CA5A: variants seen among roughly 807,000 people sequenced by gnomAD.
The protein encoded by CA5A is carbonic anhydrase 5A.
A neutral mutation model predicts 37.1 loss-of-function variants in CA5A; 28 were observed. That is an observed-to-expected ratio of 0.75 (90% confidence interval 0.56 to 1.03). CA5A has a LOEUF of 1.03. CA5A is among the 50% of genes least tolerant of loss of function. The probability of loss-of-function intolerance (pLI) is 0.00; values close to 1 mark genes in which losing one functional copy is unlikely to be tolerated. For synonymous variants in CA5A, 171 were observed against 158.4 expected, an observed-to-expected ratio of 1.08 and a Z score of -0.60; for missense variants, 444 against 399.9, an observed-to-expected ratio of 1.11 and a Z score of -0.94.
chr16:87,931,332 G>A lies in CA5A; in HGVS notation c.143-4387C>T, dbSNP rs573184616. On this transcript the variant is annotated intron_variant, in intron 1 of 6. Transcript: ENST00000649794. ...TCACCATGTTGGCCAGGCTGTTCTC[G>A]AACTCCTGACTTCGGGTGATCCACC... 9.4e-5 allele frequency among the ~76,000 whole-genome samples: 14 copies of A among 149,622 alleles called. No homozygotes were observed. The South Asian group carries it at 2.3e-3, about 25-fold the overall frequency.
At position 87,904,063 on chromosome 16, in the gene CA5A, C is replaced by T. The variant is rs899837894; in HGVS notation, c.459+723G>A. 2.4e-4 allele frequency among the ~76,000 whole-genome samples: 37 copies of T among 152,122 alleles called. 1 individual carries two copies. The highest frequency in any genetic ancestry group is 1.5e-5 in the Non-Finnish European group (1 of 68,034). Reference sequence around the variant, plus strand: ...AAGACTGCTTTAAGATGATCTTAGCCGGGTACGGTGGCTCACGCCTGTTAT... The same window carrying T: ...AAGACTGCTTTAAGATGATCTTAGCTGGGTACGGTGGCTCACGCCTGTTAT... On this transcript the variant is annotated intron_variant, in intron 3 of 6. Coordinates refer to ENST00000649794, the MANE Select transcript of CA5A (RefSeq NM_001739.2).
rs547862511 is a variant in CA5A, at chr16:87,897,017, C to G, written c.618+4895G>C. On this transcript the variant is annotated intron_variant, in intron 5 of 6. Coordinates refer to ENST00000649794, the MANE Select transcript of CA5A (RefSeq NM_001739.2). ...CCCACCCAGCCTAACTCCGCCCTTG[C>G]TTTGTCCTCTTAGAGTCTCAGTTTC... 2.2e-3 allele frequency among the ~76,000 whole-genome samples: 332 copies of G among 152,378 alleles called. 3 individuals carry two copies. Among genetic ancestry groups the G allele is most frequent in the African/African-American group, 7.6e-3 (316 of 41,588 alleles).
intron 6 of CA5A, among the ~76,000 whole-genome samples, chr16:87,888,757 T>A (rs146350780): frequency 0.023 from 3,466 of 152,264 alleles, 35 homozygotes; most frequent in African/African-American, 0.033. Context: ...TTGGTTTTTG[T>A]TGTTGTTGTT....
chr16:87,893,693 G>C (rs1241201497), intron 5 of CA5A: 2 of 536,544 alleles, frequency 3.7e-6, no homozygotes, highest in Non-Finnish European at 7.2e-6. Flanking sequence ...CCGAATTCCA[G>C]TTTAAAGGCA....
Position 87,927,005 on chromosome 16 carries a change from G to A in CA5A, c.143-60C>T, listed in dbSNP as rs549631535. On this transcript the variant is annotated intron_variant, in intron 1 of 6. Coordinates refer to ENST00000649794, the MANE Select transcript of CA5A (RefSeq NM_001739.2). Reference sequence around the variant, plus strand: ...ATGAGCTTCATCCTGTGTCTTGGACGGACAGGGCAGAAACCCGGCCGCACG... The same window carrying A: ...ATGAGCTTCATCCTGTGTCTTGGACAGACAGGGCAGAAACCCGGCCGCACG... 8.0e-4 allele frequency: 952 copies of A among 1,195,676 alleles called. 23 individuals are homozygous for A. The South Asian group carries it at 0.012, about 15-fold the overall frequency. The allele number at this position is 1,195,676 out of a possible 1,614,324, so 74.1% of individuals were successfully genotyped here.
intron 2 of CA5A, among the ~76,000 whole-genome samples, chr16:87,907,088 G>A (rs1225858965): frequency 2.0e-5 from 3 of 152,094 alleles, no homozygotes; most frequent in Non-Finnish European, 4.4e-5. Flanking sequence ...TGTATTGGTG[G>A]GTGCCTGTAA....
chr16:87,923,946 CTGCA>C (rs2056265612), intron 2 of CA5A: 2 of 984,998 alleles, frequency 2.0e-6, no homozygotes, highest in African/African-American at 1.7e-5. Context: ...TTTGAAGTGG[CTGCA>C]TGAAGAATTT....
intron 1 of CA5A, among the ~76,000 whole-genome samples, chr16:87,928,276 A>C (rs868630370): frequency 3.7e-4 from 57 of 152,214 alleles, no homozygotes; most frequent in Admixed American, 8.5e-4. Flanking sequence ...CGATCCTCCC[A>C]CCTCAGCCTC....
chr16:87,900,759 G>C (rs1244912171), intron 5 of CA5A, among the ~76,000 whole-genome samples: 1 of 152,260 alleles, frequency 6.6e-6, no homozygotes, highest in African/African-American at 2.4e-5. Context: ...CTTGGGGTCG[G>C]ACAGGGACGT....
chr16:87,892,164 TG>T (rs1023878851), intron 5 of CA5A: 5 of 470,190 alleles, frequency 1.1e-5, no homozygotes, highest in African/African-American at 8.2e-5. Context: ...CTTACATTGG[TG>T]GGAATTACGT....
chr16:87,902,078 G>C lies in CA5A; in HGVS notation c.556-104C>G. 4.8e-6 allele frequency: 5 copies of C among 1,035,160 alleles called. No homozygotes were observed. The South Asian group carries it at 6.5e-5, about 13-fold the overall frequency. The allele number at this position is 1,035,160 out of a possible 1,614,324, so 64.1% of individuals were successfully genotyped here. Reference sequence around the variant, plus strand: ...CGTTTTAAAAGCAATCCTAGGCCAGGTGCGGTGGCTCATGCCTGTGATCCT... The same window carrying C: ...CGTTTTAAAAGCAATCCTAGGCCAGCTGCGGTGGCTCATGCCTGTGATCCT... On this transcript the variant is annotated intron_variant, in intron 4 of 6. Transcript: ENST00000649794.
intron 2 of CA5A, chr16:87,924,057 G>A (rs982012236): frequency 2.0e-6 from 2 of 985,326 alleles, no homozygotes; most frequent in Admixed American, 6.1e-5. Context: ...AAAAACCATT[G>A]GCAACTGAAT....
intron 2 of CA5A, among the ~76,000 whole-genome samples, chr16:87,920,853 G>C (rs540286607): frequency 1.6e-4 from 24 of 152,162 alleles, no homozygotes; most frequent in African/African-American, 5.8e-4. Context: ...GAGTGCAATG[G>C]CACGATCTCG....
intron 2 of CA5A, among the ~76,000 whole-genome samples, chr16:87,924,890 C>A (rs1302829973): frequency 6.6e-6 from 1 of 152,192 alleles, no homozygotes; most frequent in East Asian, 1.9e-4. Context: ...TGAGTGCCGG[C>A]CTGGGGTGGC....
rs569901302 is a variant in CA5A, at chr16:87,909,702, G to A, written c.341-4798C>T. On this transcript the variant is annotated intron_variant, in intron 2 of 6. Transcript: ENST00000649794. ...TTCATACACCTTGAGCCTCTTTCAA[G>A]GTGAAACAGAGAATCTCACTGCAAA... Among the ~76,000 whole-genome samples the A allele has an allele frequency of 3.9e-5, 6 of 152,360 alleles. No homozygotes were observed. In the South Asian group the frequency reaches 8.3e-4, roughly 21 times the overall value.
At chr16:87,895,959 G>A (rs772818231) in intron 5 of CA5A, among the ~76,000 whole-genome samples, 14 of 152,084 alleles carry the variant, frequency 9.2e-5, no homozygotes, top group South Asian at 2.1e-4. Context: ...GGTAACAGGC[G>A]GGTGTGCAGT....
chr16:87,909,795 A>C (rs1232164725), intron 2 of CA5A, among the ~76,000 whole-genome samples: 1 of 152,228 alleles, frequency 6.6e-6, no homozygotes, highest in Non-Finnish European at 1.5e-5. Context: ...GCAAAATGCC[A>C]AGCGTATTTC....
intron 2 of CA5A, among the ~76,000 whole-genome samples, chr16:87,921,678 G>A (rs1405776005): frequency 1.3e-5 from 2 of 152,114 alleles, no homozygotes; most frequent in Non-Finnish European, 2.9e-5. Context: ...AGGAATGTTG[G>A]ACCCAGGAGG....
downstream of CA5A, chr16:87,887,190 A>C (rs1280674869): frequency 6.6e-6 from 1 of 152,284 alleles, no homozygotes; most frequent in Non-Finnish European, 1.5e-5. Context: ...GGCATGAGCC[A>C]CTGCACCTGG....
Sources: gnomAD v4.1 joint callset for allele counts (sites outside exome capture counted in the v4.1 genomes callset) on GRCh38, gnomAD v4.1.1 for gene constraint, MANE v1.5 for transcripts, NCBI Gene and HGNC (gene_info 2026-07-23, HGNC 2026-07-21) for gene names.